BIN1: variants seen among roughly 807,000 people sequenced by gnomAD.
BIN1 encodes the protein bridging integrator 1.
A neutral mutation model predicts 82.0 loss-of-function variants in BIN1; 53 were observed. That is an observed-to-expected ratio of 0.65 (90% CI 0.52 to 0.81). The LOEUF (loss-of-function observed/expected upper bound fraction) is 0.81, where lower values mean the gene tolerates loss of function less well. Among genes scored for constraint, BIN1 ranks in the 40% least tolerant of loss-of-function variants. The pLI is 0.00. For synonymous variants in BIN1, 302 were observed against 328.0 expected (o/e 0.92, Z 0.86); for missense variants, 642 against 784.4 (o/e 0.82, Z 2.17).
At chr2:127,051,068 A>G in intron 16 of BIN1, 86 bp downstream of exon 16, 1 of 1,568,286 alleles carries the variant, frequency 6.4e-7, no homozygotes, top group South Asian at 1.1e-5. Flanking sequence ...GGCCTGGACC[A>G]GCACCAGCAG....
intron 4 of BIN1, 135 bp from the exon 5 acceptor site, chr2:127,070,225 C>T: frequency 6.6e-6 from 5 of 755,166 alleles, no homozygotes; most frequent in Non-Finnish European, 1.1e-5. Context: ...GTTTCCCCAT[C>T]TGTAAGATGG....
In BIN1 at chr2:127,057,642, C is replaced by T. The variant is rs3754616; in HGVS notation, c.1003-41G>A. The T allele has an allele frequency of 3.5e-3, 5,184 of 1,479,634 alleles. 199 individuals are homozygous for T. The East Asian group carries it at 0.087, about 25-fold the overall frequency. The allele number at this position is 1,479,634 out of a possible 1,614,324, so 91.7% of individuals were successfully genotyped here. On this transcript the variant is annotated intron_variant, in intron 11 of 18. Transcript: ENST00000316724. The surrounding 1 kb of genome is among the most constrained non-coding windows in gnomAD (Gnocchi z 5.0). ...GGGTGAGGGGCCGCGCGGGAAGGCA[C>T]AGCAGAGCACGGGGTTTGGGGGAGA...
In BIN1 at chr2:127,093,164, C is replaced by A. The variant is rs1679159974; in HGVS notation, c.84+13696G>T. On this transcript the variant is annotated intron_variant, in intron 1 of 18. Coordinates refer to ENST00000316724, the MANE Select transcript of BIN1 (RefSeq NM_139343.3). This position sits in a 1 kb window ranked among gnomAD's most constrained non-coding sequence, Gnocchi z 5.7. Reference sequence around the variant, plus strand: ...GCTTACAGTATCACCTGGAGCCTGGCCCCCACAAGGCCCTGTCGGGGCTCA... The same window carrying A: ...GCTTACAGTATCACCTGGAGCCTGGACCCCACAAGGCCCTGTCGGGGCTCA... Among the ~76,000 whole-genome samples the A allele has an allele frequency of 6.6e-6, 1 of 152,100 alleles. No homozygotes were observed. The highest frequency in any genetic ancestry group is 6.5e-5 in the Admixed American group (1 of 15,278).
intron 1 of BIN1, among the ~76,000 whole-genome samples, 175 bp downstream of exon 1, chr2:127,106,685 A>G (rs962893113): frequency 1.3e-5 from 2 of 152,074 alleles, no homozygotes; most frequent in African/African-American, 4.8e-5. Flanking sequence ...GGGCACCCAG[A>G]GCGCCGGGGA....
intron 1 of BIN1, among the ~76,000 whole-genome samples, chr2:127,091,735 A>AT (rs397724958): frequency 5.4e-5 from 7 of 129,254 alleles, no homozygotes; most frequent in South Asian, 2.6e-4. Context: ...CAAAAAAAAA[A>AT]TTTTTTTTTT....
Position 127,068,265 on chromosome 2 carries a change from G to A in BIN1, c.520-10C>T, listed in dbSNP as rs772755599. 1.2e-6 allele frequency: 2 copies of A among 1,608,762 alleles called. No individual in the cohort carries two copies. The highest frequency in any genetic ancestry group is 4.5e-5 in the East Asian group (2 of 44,804). On this transcript the variant is annotated splice_polypyrimidine_tract_variant and intron_variant, in intron 6 of 18. Transcript: ENST00000316724. This position sits in a 1 kb window ranked among gnomAD's most constrained non-coding sequence, Gnocchi z 4.9. Reference sequence around the variant, plus strand: ...CAAGCAGCGAGACAGGCTGGGGTGGGGAGGTCAAGGCAAAGGAAGGTGGAG... The same window carrying A: ...CAAGCAGCGAGACAGGCTGGGGTGGAGAGGTCAAGGCAAAGGAAGGTGGAG...
intron 2 of BIN1, among the ~76,000 whole-genome samples, chr2:127,074,259 T>C (rs1038158890): frequency 3.3e-5 from 5 of 151,962 alleles, no homozygotes; most frequent in Admixed American, 3.3e-4. Flanking sequence ...ACAGTGACCT[T>C]CACCCCATTC....
intron 1 of BIN1, among the ~76,000 whole-genome samples, chr2:127,088,619 T>C (rs1488444795): frequency 1.3e-5 from 2 of 151,946 alleles, no homozygotes; most frequent in Non-Finnish European, 2.9e-5. Context: ...GCACCTATAG[T>C]CCTAGCTACT....
In BIN1 at chr2:127,090,768, G is replaced by A. The variant is rs1014998641; in HGVS notation, c.85-14062C>T. 2.6e-5 allele frequency among the ~76,000 whole-genome samples: 4 copies of A among 152,142 alleles called. No individual in the cohort carries two copies. Among genetic ancestry groups the A allele is most frequent in the African/African-American group, 4.8e-5 (2 of 41,420 alleles). On this transcript the variant is annotated intron_variant, in intron 1 of 18. Coordinates refer to ENST00000316724, the MANE Select transcript of BIN1 (RefSeq NM_139343.3). The surrounding 1 kb of genome is among the most constrained non-coding windows in gnomAD (Gnocchi z 6.4). ...TCTGGCCAGCACCCACCTGCCTTGG[G>A]GCCAAGTGAAGGTCTGAGCTGGGTG...
Position 127,090,905 on chromosome 2 carries a change from C to T in BIN1, c.85-14199G>A, listed in dbSNP as rs1304859777. Among the ~76,000 whole-genome samples, 1 of 152,228 alleles carries T rather than the reference C, an allele frequency of 6.6e-6. No individual in the cohort carries two copies. Among genetic ancestry groups the T allele is most frequent in the East Asian group, 1.9e-4 (1 of 5,196 alleles). On this transcript the variant is annotated intron_variant, in intron 1 of 18. Coordinates refer to ENST00000316724, the MANE Select transcript of BIN1 (RefSeq NM_139343.3). This position sits in a 1 kb window ranked among gnomAD's most constrained non-coding sequence, Gnocchi z 6.4. Reference sequence around the variant, plus strand: ...CCTTCACATCACCTCCTCCAGGCAGCCTTCCCCGACTCCACTCCAGGCACA... The same window carrying T: ...CCTTCACATCACCTCCTCCAGGCAGTCTTCCCCGACTCCACTCCAGGCACA...
At chr2:127,054,333 C>T in intron 12 of BIN1, 1 of 400,050 alleles carries the variant, frequency 2.5e-6, no homozygotes, top group Non-Finnish European at 4.7e-6. Context: ...AGGGCCAGCA[C>T]CAGGCCCCAG....
Position 127,059,185 on chromosome 2 carries a change from G to A in BIN1, c.858-30C>T. The stretch of plus-strand genomic sequence containing the variant: ...GGGGGAGGACAAGAAAGGGAGCCCA[G>A]TGTTGGGGGGCCAAGGCACAGGAGA... On this transcript the variant is annotated intron_variant, in intron 10 of 18. Transcript: ENST00000316724. This position sits in a 1 kb window ranked among gnomAD's most constrained non-coding sequence, Gnocchi z 6.7. The A allele has an allele frequency of 6.4e-7, 1 of 1,557,184 alleles. No homozygotes were observed. Among genetic ancestry groups the A allele is most frequent in the Non-Finnish European group, 8.7e-7 (1 of 1,151,522 alleles).
chr2:127,082,422 T>C lies in BIN1; in HGVS notation c.85-5716A>G, dbSNP rs939171753. ...GGCCTTGCAGGCACTCAGCTGGGGATACCAGGGACATCGCAGGACAAGTCT... is the reference window on the plus strand; with the variant it reads ...GGCCTTGCAGGCACTCAGCTGGGGACACCAGGGACATCGCAGGACAAGTCT... On this transcript the variant is annotated intron_variant, in intron 1 of 18. Coordinates refer to ENST00000316724, the MANE Select transcript of BIN1 (RefSeq NM_139343.3). The surrounding 1 kb of genome is among the most constrained non-coding windows in gnomAD (Gnocchi z 6.1). 6.6e-6 allele frequency among the ~76,000 whole-genome samples: 1 copy of C among 152,042 alleles called. No individual in the cohort carries two copies. Among genetic ancestry groups the C allele is most frequent in the African/African-American group, 2.4e-5 (1 of 41,400 alleles).
intron 18 of BIN1, among the ~76,000 whole-genome samples, chr2:127,049,972 C>T (rs975182703): frequency 1.3e-5 from 2 of 152,204 alleles, no homozygotes; most frequent in African/African-American, 2.4e-5. Context: ...GGACGGCACA[C>T]GGGGCTTCAT....
chr2:127,080,540 G>A (rs190301477), intron 1 of BIN1, among the ~76,000 whole-genome samples: 9 of 152,302 alleles, frequency 5.9e-5, no homozygotes, highest in Non-Finnish European at 1.0e-4. Context: ...CACTTATCAC[G>A]CACACTCACT....
At chr2:127,049,927 T>A (rs1012982868) in intron 18 of BIN1, among the ~76,000 whole-genome samples, 1 of 152,152 alleles carries the variant, frequency 6.6e-6, no homozygotes, top group Non-Finnish European at 1.5e-5. Context: ...GGGAAGCCCA[T>A]GGCCCTGCGT....
intron 12 of BIN1, among the ~76,000 whole-genome samples, chr2:127,056,745 A>G (rs997738529): frequency 7.2e-5 from 11 of 152,192 alleles, no homozygotes; most frequent in Non-Finnish European, 2.9e-5. Context: ...CAAATCTGAC[A>G]ACACGTCAGC....
At chr2:127,098,522 T>A (rs761631868) in intron 1 of BIN1, among the ~76,000 whole-genome samples, 1 of 152,126 alleles carries the variant, frequency 6.6e-6, no homozygotes, top group Non-Finnish European at 1.5e-5. Context: ...CCAAGGCCAC[T>A]GTGGCCCCAG....
Position 127,054,203 on chromosome 2 carries a change from ACACGGGAG to A in BIN1, c.1132-199_1132-192del, listed in dbSNP as rs1683347251. ...CCAGGCACCAACTCATCCACCTCAC[ACACGGGAG>A]CACTGCCCAAAGCCACGCGCCCCGG... On this transcript the variant is annotated intron_variant, in intron 12 of 18. Coordinates refer to ENST00000316724, the MANE Select transcript of BIN1 (RefSeq NM_139343.3). 4 of 631,954 alleles carry A rather than the reference ACACGGGAG, an allele frequency of 6.3e-6. No homozygotes were observed. The Admixed American group carries it at 6.6e-5, about 10-fold the overall frequency. 39.1% of individuals were successfully genotyped at this position (631,954 alleles called of 1,614,324 possible). A position where few individuals can be genotyped will look rare whatever the true frequency, so the allele number is the denominator to read the frequency against.
Sources: gnomAD v4.1 joint callset for allele counts (sites outside exome capture counted in the v4.1 genomes callset) on GRCh38, gnomAD v4.1.1 for gene constraint, Gnocchi (gnomAD v3.1) non-coding constraint, MANE v1.5 for transcripts, NCBI Gene and HGNC (gene_info 2026-07-23, HGNC 2026-07-21) for gene names.